The following UTP25 variants were observed in gnomAD, a reference collection of about 807,000 sequenced individuals.
UTP25 encodes the protein UTP25 small subunit processome component.
In UTP25, 50 loss-of-function variants were observed where a neutral mutation model predicts 78.9. The ratio of observed to expected loss-of-function variants is 0.63; its 90% CI spans 0.50 to 0.80. UTP25 has a LOEUF of 0.80. Among genes scored for constraint, UTP25 ranks in the 30% least tolerant of loss-of-function variants. UTP25 has a pLI of 0.00. For synonymous variants in UTP25, 329 were observed against 336.5 expected (o/e 0.98, Z 0.24); for missense variants, 846 against 911.3 (o/e 0.93, Z 0.92).
chr1:209,842,712 A>G lies in UTP25; in HGVS notation c.1781+17A>G, dbSNP rs763134973. The G allele has an allele frequency of 7.6e-6, 12 of 1,584,728 alleles. No individual in the cohort carries two copies. The highest frequency in any genetic ancestry group is 1.1e-5 in the South Asian group (1 of 88,538). On this transcript the variant is annotated intron_variant, in intron 10 of 11. Coordinates refer to ENST00000491415, the MANE Select transcript of UTP25 (RefSeq NM_014388.7). Reference sequence around the variant, plus strand: ...TGATGCCAGGTAACCCACTCCTCCCAGCAGGCCCCTGGGGACCACATAGAG... The same window carrying G: ...TGATGCCAGGTAACCCACTCCTCCCGGCAGGCCCCTGGGGACCACATAGAG...
intron 11 of UTP25, among the ~76,000 whole-genome samples, chr1:209,849,291 T>C (rs1032259105): frequency 2.6e-5 from 4 of 152,156 alleles, no homozygotes; most frequent in Non-Finnish European, 5.9e-5. Flanking sequence ...TGTATACAGC[T>C]TCTTCCCTAA....
In UTP25 at chr1:209,856,631, G is replaced by C. The variant is rs1221715785; in HGVS notation, c.*5184G>C. 1 of 152,252 alleles carries C rather than the reference G, an allele frequency of 6.6e-6. No homozygotes were observed. The highest frequency in any genetic ancestry group is 1.5e-5 in the Non-Finnish European group (1 of 68,050). 9.4% of individuals were successfully genotyped at this position (152,252 alleles called of 1,614,324 possible). A position where few individuals can be genotyped will look rare whatever the true frequency, so the allele number is the denominator to read the frequency against. ...CTAATTTGTTTAAGCCATTAGGCCAGGCCTCTATTAGCCATTCCTGACTGA... is the reference window on the plus strand; with the variant it reads ...CTAATTTGTTTAAGCCATTAGGCCACGCCTCTATTAGCCATTCCTGACTGA... On this transcript the variant is annotated 3_prime_UTR_variant, in exon 12 of 12. Transcript: ENST00000491415.
At chr1:209,831,740 G>A (rs769866489) in intron 3 of UTP25, among the ~76,000 whole-genome samples, 9 of 152,154 alleles carry the variant, frequency 5.9e-5, no homozygotes, top group Non-Finnish European at 1.3e-4. Context: ...CTTGGCATCA[G>A]GCAGCCACTG....
At position 209,851,470 on chromosome 1, in the gene UTP25, T is replaced by A; in HGVS notation, c.*23T>A. On this transcript the variant is annotated 3_prime_UTR_variant, in exon 12 of 12. Transcript: ENST00000491415. ...TGAAATTTTGTTGGGCAGGAAGTGGTATTTGGCATGATACATAATGTTTGA... is the reference window on the plus strand; with the variant it reads ...TGAAATTTTGTTGGGCAGGAAGTGGAATTTGGCATGATACATAATGTTTGA... 1 of 1,588,626 alleles carries A rather than the reference T, an allele frequency of 6.3e-7. No homozygotes were observed.
rs2078113509 is a variant in UTP25, at chr1:209,833,271, G to T, written c.475G>T (p.Asp159Tyr). The T allele has an allele frequency of 5.6e-6, 9 of 1,607,624 alleles. No homozygotes were observed. The highest frequency in any genetic ancestry group is 6.8e-6 in the Non-Finnish European group (8 of 1,178,108). ...TSQTSPEEFT[D>Y]AKHESLFSLE... ...ACAAACATCCCCCGAAGAGTTCACA[G>T]ATGCAAAACACGAGTCACTGTTCAG... is the stretch of plus-strand genomic sequence containing the variant. Residue 159 changes from aspartate (D) to tyrosine (Y), a missense_variant, in exon 4 of 12, where the codon GAT becomes TAT. Coordinates refer to ENST00000491415, the MANE Select transcript of UTP25 (RefSeq NM_014388.7).
intron 7 of UTP25, among the ~76,000 whole-genome samples, chr1:209,840,598 T>C (rs1428723124): frequency 1.3e-5 from 2 of 152,222 alleles, no homozygotes; most frequent in African/African-American, 2.4e-5. Flanking sequence ...GATTTGAAAG[T>C]AGAGAGAATT....
chr1:209,846,815 T>C (rs1303381081), intron 11 of UTP25, among the ~76,000 whole-genome samples: 4 of 152,212 alleles, frequency 2.6e-5, no homozygotes, highest in African/African-American at 9.6e-5. Flanking sequence ...GTGGTTGCAT[T>C]GGGACTGAGA....
In UTP25 at chr1:209,856,690, A is replaced by C. The variant is rs1235630934; in HGVS notation, c.*5243A>C. Reference sequence around the variant, plus strand: ...ACAAAAATGGCATCACAGACTCCTGAACTCCAAAGACACTGCCTATTCTTT... The same window carrying C: ...ACAAAAATGGCATCACAGACTCCTGCACTCCAAAGACACTGCCTATTCTTT... On this transcript the variant is annotated 3_prime_UTR_variant, in exon 12 of 12. Transcript: ENST00000491415. The C allele has an allele frequency of 6.6e-6, 1 of 152,266 alleles. No homozygotes were observed. The highest frequency in any genetic ancestry group is 1.5e-5 in the Non-Finnish European group (1 of 68,062). 9.4% of individuals were successfully genotyped at this position (152,266 alleles called of 1,614,324 possible).
chr1:209,843,765 G>C, intron 11 of UTP25, 69 bp downstream of exon 11: 1 of 1,547,794 alleles, frequency 6.5e-7, no homozygotes, highest in Non-Finnish European at 8.7e-7. Flanking sequence ...GGCCTGCTCT[G>C]AATGCATGGC....
At chr1:209,843,894 T>C in intron 11 of UTP25, 198 bp downstream of exon 11, 1 of 677,278 alleles carries the variant, frequency 1.5e-6, no homozygotes, top group East Asian at 2.8e-5. Flanking sequence ...AAATGGGCAT[T>C]GCTGAAGAAG....
At chr1:209,839,975 G>T (rs2078157098) in intron 7 of UTP25, among the ~76,000 whole-genome samples, 1 of 152,296 alleles carries the variant, frequency 6.6e-6, no homozygotes, top group Non-Finnish European at 1.5e-5. Context: ...GATTCAGCCA[G>T]TTTCAAAGGG....
At position 209,855,155 on chromosome 1, in the gene UTP25, C is replaced by T. The variant is rs184613737; in HGVS notation, c.*3708C>T. ...CCCTCTGGGCTTGGTCATTTCCTCC[C>T]AAGCAAACCCCGCGACGTTCAGCCG... On this transcript the variant is annotated 3_prime_UTR_variant, in exon 12 of 12. Coordinates refer to ENST00000491415, the MANE Select transcript of UTP25 (RefSeq NM_014388.7). The T allele has an allele frequency of 7.2e-5, 11 of 152,278 alleles. No individual in the cohort carries two copies. Among genetic ancestry groups the T allele is most frequent in the Admixed American group, 5.2e-4 (8 of 15,304 alleles). 9.4% of individuals were successfully genotyped at this position (152,278 alleles called of 1,614,324 possible). A position where few individuals can be genotyped will look rare whatever the true frequency, so the allele number is the denominator to read the frequency against.
chr1:209,840,668 A>G (rs2078161728), intron 7 of UTP25, among the ~76,000 whole-genome samples, 185 bp from the exon 8 acceptor site: 1 of 152,238 alleles, frequency 6.6e-6, no homozygotes, highest in African/African-American at 2.4e-5. Context: ...AAGGGACTAT[A>G]GATGCAAGGG....
intron 11 of UTP25, chr1:209,844,501 G>A (rs1291088243): frequency 2.6e-5 from 4 of 152,264 alleles, no homozygotes; most frequent in African/African-American, 9.7e-5. Flanking sequence ...GCGTGGTGGT[G>A]TGTGCCTATA....
At chr1:209,840,762 G>A (rs928603717) in intron 7 of UTP25, 91 bp from the exon 8 acceptor site, 3 of 1,195,190 alleles carry the variant, frequency 2.5e-6, no homozygotes, top group African/African-American at 3.0e-5. Flanking sequence ...AGATGTGGAA[G>A]CAATAGAAGT....
intron 2 of UTP25, 89 bp from the exon 3 acceptor site, chr1:209,830,714 C>T (rs990198651): frequency 8.0e-6 from 12 of 1,492,798 alleles, no homozygotes; most frequent in Middle Eastern, 4.2e-4. Flanking sequence ...ATTTGGGCTT[C>T]GTTGAATAGA....
Position 209,833,335 on chromosome 1 carries a change from A to G in UTP25, c.539A>G (p.Asn180Ser). The G allele has an allele frequency of 6.3e-7, 1 of 1,580,342 alleles. No homozygotes were observed. The highest frequency in any genetic ancestry group is 1.2e-5 in the South Asian group (1 of 85,208). Residue 180 changes from asparagine (N) to serine (S), a missense_variant, in exon 4 of 12, where the codon AAC (asparagine) becomes AGC (serine). Asn to Ser is a conservative substitution (Grantham distance 46, BLOSUM62 1). Coordinates refer to ENST00000491415, the MANE Select transcript of UTP25 (RefSeq NM_014388.7). ...TTTCTGGAAGAGGAAAGTGGAGACA[A>G]CTCTTCTTTGAAAGCCTCTCAAGGT... Reference protein sequence around the residue: ...TNFLEEESGDNSSLKASQDPF... With the variant: ...TNFLEEESGDSSSLKASQDPF...
At chr1:209,833,131 C>A in intron 3 of UTP25, 54 bp from the exon 4 acceptor site, 2 of 1,528,706 alleles carry the variant, frequency 1.3e-6, no homozygotes, top group Non-Finnish European at 1.8e-6. Flanking sequence ...ATTTTGTCAA[C>A]AGAAGTATAA....
intron 11 of UTP25, 45 bp from the exon 12 acceptor site, chr1:209,851,159 C>T: frequency 1.3e-6 from 2 of 1,576,228 alleles, no homozygotes; most frequent in South Asian, 1.2e-5. Context: ...TTTTCTAGAA[C>T]TTGTTTCTCA....
Sources: gnomAD v4.1 joint callset for allele counts (sites outside exome capture counted in the v4.1 genomes callset) on GRCh38, gnomAD v4.1.1 for gene constraint, MANE v1.5 for transcripts, NCBI Gene and HGNC (gene_info 2026-07-23, HGNC 2026-07-21) for gene names.